The following DNAJC13 variants were observed in gnomAD, a reference collection of about 807,000 sequenced individuals.
DNAJC13 encodes dnaJ homolog subfamily C member 13.
A neutral mutation model predicts 290.5 loss-of-function variants in DNAJC13; 75 were observed. The observed-to-expected ratio is 0.26, with a 90% CI of 0.21 to 0.31. The LOEUF (loss-of-function observed/expected upper bound fraction) is 0.31, where lower values mean the gene tolerates loss of function less well. Ranked by LOEUF, DNAJC13 falls within the 10% of genes least tolerant of loss-of-function variation. The probability of loss-of-function intolerance (pLI) is 1.00; values close to 1 mark genes in which losing one functional copy is unlikely to be tolerated. For missense variants in DNAJC13, 2,260 were observed against 2,674.5 expected, an observed-to-expected ratio of 0.85 and a Z score of 3.42; for synonymous variants, 862 against 892.0, an observed-to-expected ratio of 0.97 and a Z score of 0.60.
chr3:132,458,700 A>G (rs1375199557), intron 13 of DNAJC13, among the ~76,000 whole-genome samples: 1 of 152,188 alleles, frequency 6.6e-6, no homozygotes, highest in Non-Finnish European at 1.5e-5. Context: ...CTTATTCATT[A>G]AGAGCTCAAG....
intron 14 of DNAJC13, 102 bp from the exon 15 acceptor site, chr3:132,460,948 T>C: frequency 1.8e-6 from 2 of 1,103,672 alleles, no homozygotes; most frequent in Non-Finnish European, 2.6e-6. Context: ...TCAATGTTGA[T>C]GTCTGACATA....
intron 6 of DNAJC13, among the ~76,000 whole-genome samples, chr3:132,452,029 C>T (rs1272069809): frequency 1.3e-5 from 2 of 152,148 alleles, no homozygotes. Flanking sequence ...TTAGTGCTAT[C>T]CATAGACTGT....
At chr3:132,496,757 A>G in intron 36 of DNAJC13, 94 bp downstream of exon 36, 1 of 1,083,854 alleles carries the variant, frequency 9.2e-7, no homozygotes, top group Non-Finnish European at 1.2e-6. Context: ...AGCATATTTA[A>G]TAGATTTAGA....
At chr3:132,456,908 C>T in intron 12 of DNAJC13, 76 bp downstream of exon 12, 2 of 1,479,490 alleles carry the variant, frequency 1.4e-6, no homozygotes, top group Non-Finnish European at 1.8e-6. Context: ...AACGATTCAC[C>T]TCCTTTTCCT....
At chr3:132,506,334 G>A (rs1935587335) in intron 42 of DNAJC13, among the ~76,000 whole-genome samples, 1 of 151,700 alleles carries the variant, frequency 6.6e-6, no homozygotes, top group Non-Finnish European at 1.5e-5. Context: ...TTACAGGCCT[G>A]AGTCACCGCG....
chr3:132,530,603 T>G (rs1013125479), intron 54 of DNAJC13, among the ~76,000 whole-genome samples: 8 of 152,240 alleles, frequency 5.3e-5, no homozygotes. Flanking sequence ...GCTTTAAGTT[T>G]TAGCTCAATT....
chr3:132,488,448 G>T lies in DNAJC13; in HGVS notation c.3418G>T (p.Ala1140Ser). 6.2e-7 allele frequency: 1 copy of T among 1,607,726 alleles called. No individual in the cohort carries two copies. Among genetic ancestry groups the T allele is most frequent in the Non-Finnish European group, 8.5e-7 (1 of 1,177,476 alleles). Residue 1140 changes from alanine (A) to serine (S), a missense_variant, in exon 30 of 56, where the codon GCT becomes TCT. Around this residue, in one of 3 missense-constraint regions of DNAJC13, gnomAD observed 1,494 missense variants for 1,693.7 expected, o/e 0.88. Transcript: ENST00000260818. ...CACAGGTTCCAATGTGCTTCCTGTTGCTCGGTAAGAACTTTAAGGGTAATC... is the reference window on the plus strand; with the variant it reads ...CACAGGTTCCAATGTGCTTCCTGTTTCTCGGTAAGAACTTTAAGGGTAATC... ...MYTGSNVLPV[A>S]RFLKYTHTKQ...
rs1411697942 is a variant in DNAJC13, at chr3:132,490,821, C to T, written c.3469-76C>T. On this transcript the variant is annotated intron_variant, in intron 31 of 55. Coordinates refer to ENST00000260818, the MANE Select transcript of DNAJC13 (RefSeq NM_015268.4). ...GTTCTTTTCTTAAAGTGTTCTCTAA[C>T]CATAAATCATTTATTAGAAAATTGA... The T allele has an allele frequency of 5.9e-6, 8 of 1,355,740 alleles. No homozygotes were observed. The East Asian group carries it at 2.1e-4, about 35-fold the overall frequency. 84.0% of individuals were successfully genotyped at this position (1,355,740 alleles called of 1,614,324 possible).
At chr3:132,479,830 C>G (rs1934608755) in intron 25 of DNAJC13, among the ~76,000 whole-genome samples, 1 of 151,988 alleles carries the variant, frequency 6.6e-6, no homozygotes, top group African/African-American at 2.4e-5. Context: ...AGCGGATTTT[C>G]ATTTCTTAAA....
At chr3:132,431,128 A>G (rs1462085103) in intron 1 of DNAJC13, among the ~76,000 whole-genome samples, 1 of 152,230 alleles carries the variant, frequency 6.6e-6, no homozygotes, top group Non-Finnish European at 1.5e-5. Context: ...TTTGAAGTAG[A>G]TATCAGAATT....
At position 132,534,473 on chromosome 3, in the gene DNAJC13, C is replaced by T. The variant is rs564668215; in HGVS notation, c.6625+3376C>T. Reference sequence around the variant, plus strand: ...GAGTTCCAGACCAGCGTGGGCAACACGGCAAGACCCCGTCTCTATAAAAAA... The same window carrying T: ...GAGTTCCAGACCAGCGTGGGCAACATGGCAAGACCCCGTCTCTATAAAAAA... On this transcript the variant is annotated intron_variant, in intron 55 of 55. Transcript: ENST00000260818. Among the ~76,000 whole-genome samples, 8 of 152,076 alleles carry T rather than the reference C, an allele frequency of 5.3e-5. No individual in the cohort carries two copies. In the South Asian group the frequency reaches 1.5e-3, roughly 28 times the overall value.
intron 30 of DNAJC13, among the ~76,000 whole-genome samples, chr3:132,488,712 A>G (rs902165532): frequency 6.6e-6 from 1 of 152,146 alleles, no homozygotes; most frequent in African/African-American, 2.4e-5. Context: ...CATATTGTAC[A>G]TGCAGTTTCA....
intron 1 of DNAJC13, among the ~76,000 whole-genome samples, chr3:132,427,235 A>G (rs1205902081): frequency 6.6e-6 from 1 of 151,286 alleles, no homozygotes; most frequent in African/African-American, 2.4e-5. Flanking sequence ...TCCCAGGCTC[A>G]AGTGGTCCTC....
rs1934943800 is a variant in DNAJC13, at chr3:132,488,159, A to G, written c.3268-139A>G. ...TTTTCAAATCTGTTGTGGGTCTGGT[A>G]GATGAGCTTACTGACTCCCATGGGT... is the stretch of plus-strand genomic sequence containing the variant. On this transcript the variant is annotated intron_variant, in intron 29 of 55. Coordinates refer to ENST00000260818, the MANE Select transcript of DNAJC13 (RefSeq NM_015268.4). 6.6e-6 allele frequency: 4 copies of G among 605,148 alleles called. No homozygotes were observed. The Admixed American group carries it at 1.3e-4, about 20-fold the overall frequency. The allele number at this position is 605,148 out of a possible 1,614,324, so 37.5% of individuals were successfully genotyped here.
Position 132,477,845 on chromosome 3 carries a change from A to G in DNAJC13, c.2502A>G (p.Leu834=). ...AAATAGGAGACTATTACCTGAGATTACTATTGGAGGAAGATGAGAATGAAG... is the reference window on the plus strand; with the variant it reads ...AAATAGGAGACTATTACCTGAGATTGCTATTGGAGGAAGATGAGAATGAAG... ...EIKIGDYYLR[L]LLEEDENEES... The change falls in exon 23 of 56, where the codon TTA becomes TTG. Residue 834 remains leucine, a synonymous_variant. Coordinates refer to ENST00000260818, the MANE Select transcript of DNAJC13 (RefSeq NM_015268.4). The G allele has an allele frequency of 6.2e-7, 1 of 1,613,606 alleles. No individual in the cohort carries two copies. The highest frequency in any genetic ancestry group is 1.1e-5 in the South Asian group (1 of 91,012).
intron 55 of DNAJC13, among the ~76,000 whole-genome samples, chr3:132,534,770 T>C (rs1936540861): frequency 6.6e-6 from 1 of 152,248 alleles, no homozygotes; most frequent in African/African-American, 2.4e-5. Flanking sequence ...CTACAGATGA[T>C]GTAGGCAAAT....
intron 32 of DNAJC13, 107 bp downstream of exon 32, chr3:132,491,158 C>T (rs1287311880): frequency 3.1e-6 from 3 of 962,900 alleles, no homozygotes. Flanking sequence ...GGTTTATAAT[C>T]TAAAATGACA....
chr3:132,471,480 C>T (rs1301164216), intron 20 of DNAJC13, among the ~76,000 whole-genome samples: 3 of 142,602 alleles, frequency 2.1e-5, no homozygotes, highest in Non-Finnish European at 4.7e-5. Context: ...GGGCTCCTCA[C>T]TTCTCAGACG....
chr3:132,473,034 G>C, intron 20 of DNAJC13, 111 bp from the exon 21 acceptor site: 1 of 716,038 alleles, frequency 1.4e-6, no homozygotes, highest in Non-Finnish European at 2.4e-6. Context: ...TTTTGTTTCT[G>C]TCAAAATTTG....
Sources: gnomAD v4.1 joint callset for allele counts (sites outside exome capture counted in the v4.1 genomes callset) on GRCh38, gnomAD v4.1.1 for gene constraint, gnomAD v4.1.1 regional missense constraint, MANE v1.5 for transcripts, NCBI Gene and HGNC (gene_info 2026-07-23, HGNC 2026-07-21) for gene names.